IMPG1: variants seen among roughly 807,000 people sequenced by gnomAD.
IMPG1 encodes the protein interphotoreceptor matrix proteoglycan of 150 kDa.
IMPG1 carries 85 observed loss-of-function variants against 92.0 expected under a neutral mutation model. The ratio of observed to expected loss-of-function variants is 0.92; its 90% confidence interval spans 0.78 to 1.11. IMPG1 has a LOEUF of 1.11. Among genes scored for constraint, IMPG1 ranks in the 50% least tolerant of loss-of-function variants. IMPG1 has a pLI of 0.00. For synonymous variants in IMPG1, 367 were observed against 334.1 expected (o/e 1.10, Z -1.08); for missense variants, 1,022 against 956.0 (o/e 1.07, Z -0.91).
chr6:75,956,428 G>A (rs1387490899), intron 12 of IMPG1, among the ~76,000 whole-genome samples: 1 of 152,204 alleles, frequency 6.6e-6, no homozygotes, highest in Non-Finnish European at 1.5e-5. Flanking sequence ...TATTTCTGTG[G>A]GATCAGTGAT....
At chr6:76,067,619 A>T (rs2127599004) in intron 1 of IMPG1, among the ~76,000 whole-genome samples, 1 of 151,846 alleles carries the variant, frequency 6.6e-6, no homozygotes, top group Non-Finnish European at 1.5e-5. Flanking sequence ...ACAAAAAAGA[A>T]TGGGTACCAA....
At chr6:76,037,425 C>T (rs988983465) in intron 2 of IMPG1, among the ~76,000 whole-genome samples, 5 of 152,264 alleles carry the variant, frequency 3.3e-5, no homozygotes, top group Admixed American at 1.3e-4. Context: ...GGTGTCAACA[C>T]GTGGGAAGCA....
intron 12 of IMPG1, among the ~76,000 whole-genome samples, chr6:75,982,225 G>A (rs1782638199): frequency 6.6e-6 from 1 of 152,182 alleles, no homozygotes; most frequent in African/African-American, 2.4e-5. Flanking sequence ...TCATGTGAAC[G>A]TTAAGAAGAA....
intron 12 of IMPG1, among the ~76,000 whole-genome samples, chr6:75,983,754 C>A (rs984788483): frequency 1.3e-5 from 2 of 151,996 alleles, no homozygotes; most frequent in African/African-American, 4.8e-5. Context: ...AAACCTTCAG[C>A]ACAGCAAAGG....
At chr6:75,983,391 G>T (rs1201035826) in intron 12 of IMPG1, among the ~76,000 whole-genome samples, 1 of 152,060 alleles carries the variant, frequency 6.6e-6, no homozygotes, top group Non-Finnish European at 1.5e-5. Flanking sequence ...CAGACCAGTG[G>T]AATAGAATAG....
chr6:75,992,813 G>A (rs1782835715), intron 12 of IMPG1, among the ~76,000 whole-genome samples: 1 of 152,016 alleles, frequency 6.6e-6, no homozygotes, highest in African/African-American at 2.4e-5. Context: ...ATACTTGGAG[G>A]GTCATCTCCT....
At chr6:75,972,730 C>G (rs1457807581) in intron 12 of IMPG1, among the ~76,000 whole-genome samples, 1 of 152,158 alleles carries the variant, frequency 6.6e-6, no homozygotes, top group African/African-American at 2.4e-5. Context: ...TCTACATATC[C>G]ATTCTTCAGT....
At chr6:76,063,932 G>A (rs11964274) in intron 1 of IMPG1, among the ~76,000 whole-genome samples, 3,897 of 152,216 alleles carry the variant, frequency 0.026, 141 homozygotes, top group African/African-American at 0.086. Context: ...GAGAGTAACT[G>A]CACTGCTTCT....
chr6:75,960,252 C>G (rs1178138453), intron 12 of IMPG1, among the ~76,000 whole-genome samples: 1 of 152,148 alleles, frequency 6.6e-6, no homozygotes, highest in Non-Finnish European at 1.5e-5. Flanking sequence ...GTTGGAAATT[C>G]AGAAATCACC....
At chr6:76,023,951 A>G (rs948102459) in intron 5 of IMPG1, among the ~76,000 whole-genome samples, 2 of 152,114 alleles carry the variant, frequency 1.3e-5, no homozygotes, top group Non-Finnish European at 2.9e-5. Flanking sequence ...GTCTTTTTAC[A>G]TGTTTATATG....
intron 15 of IMPG1, 28 bp downstream of exon 15, chr6:75,930,924 AG>A (rs764858796): frequency 4.5e-5 from 72 of 1,585,718 alleles, no homozygotes; most frequent in Middle Eastern, 1.7e-4. Flanking sequence ...TGAGTTCTTG[AG>A]TCTGTGACGT....
chr6:76,016,395 T>A (rs998877307), intron 7 of IMPG1, among the ~76,000 whole-genome samples: 1 of 152,228 alleles, frequency 6.6e-6, no homozygotes, highest in Non-Finnish European at 1.5e-5. Context: ...TACTAAGGAA[T>A]TGCCAAAAAG....
intron 4 of IMPG1, among the ~76,000 whole-genome samples, chr6:76,030,935 G>C (rs906989756): frequency 2.0e-5 from 3 of 152,090 alleles, no homozygotes; most frequent in Non-Finnish European, 4.4e-5. Context: ...TTTGCAGCGA[G>C]GAGGAGCCTG....
intron 12 of IMPG1, among the ~76,000 whole-genome samples, chr6:75,992,300 C>T (rs952422377): frequency 2.0e-5 from 3 of 152,146 alleles, no homozygotes; most frequent in Admixed American, 2.0e-4. Flanking sequence ...AAATCTCTCT[C>T]TCCCTCTCTC....
chr6:76,070,301 G>A (rs1202298607), intron 1 of IMPG1, among the ~76,000 whole-genome samples: 3 of 152,078 alleles, frequency 2.0e-5, no homozygotes, highest in Non-Finnish European at 4.4e-5. Context: ...AAGTCAGAAC[G>A]GCTATTTTTC....
chr6:76,044,228 G>T (rs990628633), intron 1 of IMPG1, among the ~76,000 whole-genome samples: 2 of 152,050 alleles, frequency 1.3e-5, no homozygotes, highest in Non-Finnish European at 1.5e-5. Context: ...TTTTTGTTTA[G>T]GAATATTAAT....
chr6:76,018,121 AC>A (rs1783325750), intron 7 of IMPG1, among the ~76,000 whole-genome samples: 2 of 152,266 alleles, frequency 1.3e-5, no homozygotes, highest in South Asian at 4.1e-4. Flanking sequence ...ATATTCCAAG[AC>A]CCTATGGATG....
chr6:75,923,785 T>A (rs1199370485), intron 15 of IMPG1, 79 bp from the exon 16 acceptor site: 1 of 813,202 alleles, frequency 1.2e-6, no homozygotes, highest in African/African-American at 1.7e-5. Context: ...TTCTACTGTT[T>A]TAGTTTTAAC....
chr6:75,967,768 T>C (rs1782331613), intron 12 of IMPG1, among the ~76,000 whole-genome samples: 1 of 152,228 alleles, frequency 6.6e-6, no homozygotes, highest in Non-Finnish European at 1.5e-5. Flanking sequence ...TCATGTTTAT[T>C]GCAGCTGATC....
Sources: allele counts gnomAD v4.1 joint callset (sites outside exome capture counted in the v4.1 genomes callset), GRCh38; gene constraint gnomAD v4.1.1; transcripts MANE v1.5; gene names NCBI Gene and HGNC (gene_info 2026-07-23, HGNC 2026-07-21).